The following CUX1 variants were observed in gnomAD, a reference collection of about 807,000 sequenced individuals.
The protein encoded by CUX1 is cut like homeobox 1, also known as protein CASP.
A neutral mutation model predicts 158.8 loss-of-function variants in CUX1; 31 were observed. The observed-to-expected ratio is 0.20, with a 90% CI of 0.15 to 0.26. The LOEUF (loss-of-function observed/expected upper bound fraction) is 0.26, where lower values mean the gene tolerates loss of function less well. Among genes scored for constraint, CUX1 ranks in the 10% least tolerant of loss-of-function variants. The pLI, the probability that CUX1 is intolerant of heterozygous loss-of-function variation, is 1.00. For synonymous variants in CUX1, 879 were observed against 862.1 expected (o/e 1.02, Z -0.34); for missense variants, 1,589 against 2,014.6 (o/e 0.79, Z 4.04).
intron 1 of CUX1, among the ~76,000 whole-genome samples, chr7:101,838,495 C>G (rs779807279): frequency 1.1e-4 from 17 of 151,636 alleles, no homozygotes; most frequent in Non-Finnish European, 2.1e-4. Flanking sequence ...TTTGTTATGA[C>G]AGCCGTATTG....
intron 3 of CUX1, among the ~76,000 whole-genome samples, chr7:102,038,941 T>C (rs1821744064): frequency 6.6e-6 from 1 of 152,120 alleles, no homozygotes. Context: ...CCAGACCCTA[T>C]TTTAAAAGAA....
chr7:102,248,799 C>A lies in CUX1; in HGVS notation c.4275C>A (p.Ala1425=), dbSNP rs1801121610. Residue 1425 remains alanine, a synonymous_variant, in exon 24 of 24, where the codon GCC becomes GCA. Transcript: ENST00000292535. The surrounding 1 kb of genome is among the most constrained non-coding windows in gnomAD (Gnocchi z 5.8). ...CCGAGGACGCCGCTACCTCAGCCGC[C>A]GCCGCGCCGGGGGAGGGCCCCGCGG... ...AAPEDAATSA[A]AAPGEGPAAP... 1.8e-6 allele frequency: 2 copies of A among 1,085,720 alleles called. No individual in the cohort carries two copies. Among genetic ancestry groups the A allele is most frequent in the African/African-American group, 3.4e-5 (2 of 58,362 alleles). The allele number at this position is 1,085,720 out of a possible 1,614,324, so 67.3% of individuals were successfully genotyped here. A position where few individuals can be genotyped will look rare whatever the true frequency, so the allele number is the denominator to read the frequency against.
chr7:102,258,551 C>T (rs1161283551), downstream of CUX1, among the ~76,000 whole-genome samples: 5 of 152,236 alleles, frequency 3.3e-5, no homozygotes, highest in East Asian at 1.9e-4. Context: ...CCCTCCCTGG[C>T]GTCCGCTTCC....
intron 6 of CUX1, among the ~76,000 whole-genome samples, chr7:102,110,548 C>T (rs1554489783): frequency 6.6e-6 from 1 of 152,122 alleles, no homozygotes; most frequent in South Asian, 2.1e-4. Flanking sequence ...TACCCTATAA[C>T]GTGTTACATA....
intron 2 of CUX1, among the ~76,000 whole-genome samples, chr7:101,991,188 C>A (rs1056774530): frequency 1.3e-5 from 2 of 151,944 alleles, no homozygotes; most frequent in African/African-American, 4.8e-5. Context: ...TTAAAAATAC[C>A]GTAAAAAAGA....
At position 101,951,397 on chromosome 7, in the gene CUX1, A is replaced by G. The variant is rs1022390784; in HGVS notation, c.141+35172A>G. The stretch of plus-strand genomic sequence containing the variant: ...TGCCATGTCTGGGAACACCAGTCCC[A>G]GGATAACTGCACTAGTTATTAAAGG... On this transcript the variant is annotated intron_variant, in intron 2 of 23. Coordinates refer to ENST00000292535, the MANE Select transcript of CUX1 (RefSeq NM_181552.4). 1.2e-4 allele frequency among the ~76,000 whole-genome samples: 18 copies of G among 152,284 alleles called. 1 individual carries two copies. Among genetic ancestry groups the G allele is most frequent in the African/African-American group, 3.4e-4 (14 of 41,564 alleles).
chr7:102,166,806 C>T lies in CUX1; in HGVS notation c.724-3640C>T, dbSNP rs76325113. On this transcript the variant is annotated intron_variant, in intron 9 of 23. Coordinates refer to ENST00000292535, the MANE Select transcript of CUX1 (RefSeq NM_181552.4). Reference sequence around the variant, plus strand: ...GTGAGTTTTGTATTTTTTTTCGACGCCCTCAGGACAGAAATCCTGAATAAC... The same window carrying T: ...GTGAGTTTTGTATTTTTTTTCGACGTCCTCAGGACAGAAATCCTGAATAAC... 8.6e-4 allele frequency among the ~76,000 whole-genome samples: 131 copies of T among 152,178 alleles called. 2 individuals are homozygous for T. In the East Asian group the frequency reaches 0.023, roughly 26 times the overall value.
At chr7:102,053,951 G>T (rs1451706814) in intron 3 of CUX1, among the ~76,000 whole-genome samples, 1 of 151,822 alleles carries the variant, frequency 6.6e-6, no homozygotes, top group African/African-American at 2.4e-5. Context: ...GATCACAGTT[G>T]TGTGTGCCAC....
chr7:102,146,743 G>C (rs111458814), intron 8 of CUX1, among the ~76,000 whole-genome samples: 1 of 151,878 alleles, frequency 6.6e-6, no homozygotes, highest in Admixed American at 6.6e-5. Context: ...GATTACAGGC[G>C]CACGCCACCA....
intron 8 of CUX1, among the ~76,000 whole-genome samples, chr7:102,131,682 T>C (rs539310217): frequency 6.6e-6 from 1 of 151,230 alleles, no homozygotes; most frequent in South Asian, 2.1e-4. Context: ...TTATTTATTT[T>C]TTTTTTTTGA....
chr7:102,064,477 T>A (rs1218859294), intron 3 of CUX1, among the ~76,000 whole-genome samples: 1 of 151,886 alleles, frequency 6.6e-6, no homozygotes, highest in Non-Finnish European at 1.5e-5. Context: ...AGACGTTTGC[T>A]CATTCACAGA....
At chr7:102,147,453 A>G (rs1282732509) in intron 8 of CUX1, among the ~76,000 whole-genome samples, 5 of 152,224 alleles carry the variant, frequency 3.3e-5, no homozygotes, top group Admixed American at 2.0e-4. Flanking sequence ...CTCACGGTCC[A>G]TTGGACAAAA....
At chr7:102,173,493 G>C (rs1350648941) in intron 10 of CUX1, among the ~76,000 whole-genome samples, 1 of 152,154 alleles carries the variant, frequency 6.6e-6, no homozygotes, top group Non-Finnish European at 1.5e-5. Flanking sequence ...CCTTGGCTCT[G>C]TTACAGTTCC....
At chr7:101,832,010 G>A (rs1794096365) in intron 1 of CUX1, among the ~76,000 whole-genome samples, 1 of 152,180 alleles carries the variant, frequency 6.6e-6, no homozygotes, top group Non-Finnish European at 1.5e-5. Flanking sequence ...GCCTCCGAAA[G>A]TGCTGGGATT....
intron 1 of CUX1, among the ~76,000 whole-genome samples, chr7:101,856,182 CAAAAAAAAAAA>C (rs768518044): frequency 3.1e-4 from 15 of 48,050 alleles, no homozygotes; most frequent in South Asian, 7.7e-4. Flanking sequence ...GACCCTGTCT[CAAAAAAAAAAA>C]AAAAAAAAAA....
chr7:101,910,710 G>A (rs1335831926), intron 1 of CUX1, among the ~76,000 whole-genome samples: 2 of 147,850 alleles, frequency 1.4e-5, no homozygotes, highest in Non-Finnish European at 3.0e-5. Flanking sequence ...TCACACCAGC[G>A]CACCCCAGCC....
At chr7:102,064,356 G>T (rs1825298843) in intron 3 of CUX1, among the ~76,000 whole-genome samples, 1 of 152,168 alleles carries the variant, frequency 6.6e-6, no homozygotes, top group Non-Finnish European at 1.5e-5. Context: ...GCTCTAAATG[G>T]TTTTAAGGGC....
intron 10 of CUX1, among the ~76,000 whole-genome samples, chr7:102,176,782 AAGCTGGT>A (rs1465825327): frequency 6.6e-6 from 1 of 151,544 alleles, no homozygotes; most frequent in Non-Finnish European, 1.5e-5. Flanking sequence ...CATGTGGCCC[AAGCTGGT>A]CTCGAACTCT....
rs151310248 is a variant in CUX1 at position 102,256,198 on chromosome 7, A to G, written c.*7156A>G. ...GATTCAGAAGCTGAGACCCTTCCCC[A>G]GTGTCTGAGGCCACAGCCATCCCTT... is the stretch of plus-strand genomic sequence containing the variant. On this transcript the variant is annotated 3_prime_UTR_variant, in exon 24 of 24. Coordinates refer to ENST00000292535, the MANE Select transcript of CUX1 (RefSeq NM_181552.4). The G allele has an allele frequency of 5.2e-5, 51 of 985,412 alleles. 1 individual carries two copies. In the African/African-American group the frequency reaches 8.5e-4, roughly 17 times the overall value. The allele number at this position is 985,412 out of a possible 1,614,324, so 61.0% of individuals were successfully genotyped here. A position where few individuals can be genotyped will look rare whatever the true frequency, so the allele number is the denominator to read the frequency against.
Sources: gnomAD v4.1 joint callset for allele counts (sites outside exome capture counted in the v4.1 genomes callset) on GRCh38, gnomAD v4.1.1 for gene constraint, Gnocchi (gnomAD v3.1) non-coding constraint, MANE v1.5 for transcripts, NCBI Gene and HGNC (gene_info 2026-07-23, HGNC 2026-07-21) for gene names.